Variants in CD200R1L observed in about 807,000 individuals in gnomAD.
The protein encoded by CD200R1L is cell surface glycoprotein CD200 receptor 2.
Under a neutral mutation model 24.8 loss-of-function variants are expected in CD200R1L, and 14 were observed. The ratio of observed to expected loss-of-function variants is 0.56; its 90% CI spans 0.37 to 0.88. CD200R1L has a LOEUF of 0.88. CD200R1L is among the 40% of genes least tolerant of loss of function. The pLI is 0.00. For missense variants in CD200R1L, 299 were observed against 297.8 expected, an observed-to-expected ratio of 1.00 and a Z score of -0.03; for synonymous variants, 111 against 109.2, an observed-to-expected ratio of 1.02 and a Z score of -0.11.
Position 112,827,578 on chromosome 3 carries a change from G to T in CD200R1L, c.156C>A (p.Gly52=), listed in dbSNP as rs760970025. The T allele has an allele frequency of 5.0e-6, 8 of 1,614,008 alleles. No homozygotes were observed. The highest frequency in any genetic ancestry group is 5.9e-6 in the Non-Finnish European group (7 of 1,179,956). The change falls in exon 5 of 8, where the codon GGC becomes GGA. Residue 52 remains glycine (G), a synonymous_variant. Coordinates refer to ENST00000488794, the MANE Select transcript of CD200R1L (RefSeq NM_001199215.3). ...TGTAGGCTTTTGTGCAGGAAGGCTG[G>T]CCTCTCAGGATTATTTCCCATGTTA... ...IIITWEIILR[G]QPSCTKAYKK...
intron 7 of CD200R1L, among the ~76,000 whole-genome samples, chr3:112,817,446 C>T (rs1390640477): frequency 1.3e-5 from 2 of 152,134 alleles, no homozygotes; most frequent in African/African-American, 4.8e-5. Context: ...GGAATGTGAG[C>T]AGAAGTGATT....
intron 2 of CD200R1L, among the ~76,000 whole-genome samples, chr3:112,844,349 C>G (rs1371818091): frequency 6.6e-6 from 1 of 152,194 alleles, no homozygotes. Context: ...CAACCATACT[C>G]TCACACCACA....
chr3:112,824,855 C>G (rs1006454129), intron 6 of CD200R1L, among the ~76,000 whole-genome samples: 2 of 152,136 alleles, frequency 1.3e-5, no homozygotes, highest in Non-Finnish European at 1.5e-5. Context: ...GGATCAATGT[C>G]AAACTAAGTT....
intron 2 of CD200R1L, among the ~76,000 whole-genome samples, chr3:112,844,235 A>G (rs1939145545): frequency 6.6e-6 from 1 of 152,204 alleles, no homozygotes; most frequent in Admixed American, 6.5e-5. Flanking sequence ...CAACAACCAC[A>G]GAATATCCAT....
chr3:112,844,554 G>C (rs1939156612), intron 2 of CD200R1L, among the ~76,000 whole-genome samples: 1 of 152,196 alleles, frequency 6.6e-6, no homozygotes, highest in Admixed American at 6.5e-5. Flanking sequence ...ACAGTATTAA[G>C]AGAAAAGTTT....
In CD200R1L at chr3:112,845,730, C is replaced by T. The variant is rs763870988; in HGVS notation, c.-138G>A. 2 of 1,612,216 alleles carry T rather than the reference C, an allele frequency of 1.2e-6. 1 individual carries two copies. ...AGTAATCTTGGAGCTGACATCTTCCCTAAAGTATGCTTTTGGAGTGGTTTT... is the reference window on the plus strand; with the variant it reads ...AGTAATCTTGGAGCTGACATCTTCCTTAAAGTATGCTTTTGGAGTGGTTTT... On this transcript the variant is annotated 5_prime_UTR_variant, in exon 2 of 8. Transcript: ENST00000488794.
chr3:112,829,650 G>A, intron 3 of CD200R1L: 1 of 591,900 alleles, frequency 1.7e-6, no homozygotes, highest in Non-Finnish European at 2.1e-6. Context: ...TTTGTATGAG[G>A]TAACCATGCC....
At chr3:112,824,379 G>A (rs1168464510) in intron 6 of CD200R1L, among the ~76,000 whole-genome samples, 2 of 152,180 alleles carry the variant, frequency 1.3e-5, no homozygotes, top group African/African-American at 4.8e-5. Flanking sequence ...TGTAAGTAGA[G>A]GTGCCCTTGA....
In CD200R1L at chr3:112,845,739, G is replaced by A. The variant is rs761752009; in HGVS notation, c.-147C>T. The A allele has an allele frequency of 1.6e-5, 25 of 1,609,286 alleles. No homozygotes were observed. The highest frequency in any genetic ancestry group is 1.7e-5 in the Non-Finnish European group (20 of 1,176,310). ...GGAGCTGACATCTTCCCTAAAGTAT[G>A]CTTTTGGAGTGGTTTTCTACTTAAA... On this transcript the variant is annotated 5_prime_UTR_variant, in exon 2 of 8. Coordinates refer to ENST00000488794, the MANE Select transcript of CD200R1L (RefSeq NM_001199215.3).
chr3:112,844,729 G>A (rs992053441), intron 2 of CD200R1L, among the ~76,000 whole-genome samples: 1 of 152,102 alleles, frequency 6.6e-6, no homozygotes, highest in Non-Finnish European at 1.5e-5. Context: ...TTCAAGACCA[G>A]CCTGGCCAGT....
At chr3:112,832,985 A>G (rs1180788739) in intron 3 of CD200R1L, among the ~76,000 whole-genome samples, 1 of 152,232 alleles carries the variant, frequency 6.6e-6, no homozygotes, top group Non-Finnish European at 1.5e-5. Flanking sequence ...TGAATACCTT[A>G]GTTAATCACA....
Position 112,815,902 on chromosome 3 carries a change from C to A in CD200R1L, c.*61G>T. The A allele has an allele frequency of 1.3e-6, 1 of 777,864 alleles. No homozygotes were observed. Among genetic ancestry groups the A allele is most frequent in the Non-Finnish European group, 2.4e-6 (1 of 416,608 alleles). 48.2% of individuals were successfully genotyped at this position (777,864 alleles called of 1,614,324 possible). ...AGTTCACTGCTGGACCATCACTCAT[C>A]TCACCAATGTTGCAGTCCAGAGACA... is the stretch of plus-strand genomic sequence containing the variant. On this transcript the variant is annotated 3_prime_UTR_variant, in exon 8 of 8. Coordinates refer to ENST00000488794, the MANE Select transcript of CD200R1L (RefSeq NM_001199215.3).
In CD200R1L at chr3:112,835,884, C is replaced by T. The variant is rs1386929812; in HGVS notation, c.-18+2058G>A. On this transcript the variant is annotated intron_variant, in intron 3 of 7. Coordinates refer to ENST00000488794, the MANE Select transcript of CD200R1L (RefSeq NM_001199215.3). ...GGCTCCTTCCCTGCCAACTTAGAAG[C>T]GGCAGGCCTCCCACTTGTTCCCAGC... Among the ~76,000 whole-genome samples the T allele has an allele frequency of 5.9e-5, 9 of 152,334 alleles. No individual in the cohort carries two copies. The South Asian group carries it at 1.4e-3, about 25-fold the overall frequency.
intron 3 of CD200R1L, among the ~76,000 whole-genome samples, chr3:112,833,333 G>C (rs1249054728): frequency 6.6e-6 from 1 of 152,200 alleles, no homozygotes; most frequent in African/African-American, 2.4e-5. Flanking sequence ...AAGATTCTGT[G>C]ATAAAGATGA....
At chr3:112,816,755 A>C (rs1366969663) in intron 7 of CD200R1L, among the ~76,000 whole-genome samples, 3 of 152,250 alleles carry the variant, frequency 2.0e-5, no homozygotes. Context: ...ATCAATTCCA[A>C]TTGTAGCTCC....
chr3:112,841,094 T>C (rs1939069356), intron 2 of CD200R1L, among the ~76,000 whole-genome samples: 1 of 152,076 alleles, frequency 6.6e-6, no homozygotes, highest in South Asian at 2.1e-4. Flanking sequence ...CCCCACCCAA[T>C]CTCATTGTAA....
chr3:112,827,199 G>A lies in CD200R1L; in HGVS notation c.410C>T (p.Ala137Val). ...CTTCCCTGTAACTGCCTTGCATACT[G>A]CAGTTATATTCCTGCTTTGAAATAG... ...VNLFQSRNIT[A>V]VCKAVTGKPA... The change falls in exon 6 of 8, where the codon GCA (alanine) becomes GTA (valine). Residue 137 changes from alanine to valine, a missense_variant. Ala to Val is a moderately conservative substitution (Grantham distance 64). Transcript: ENST00000488794. 18 of 1,613,524 alleles carry A rather than the reference G, an allele frequency of 1.1e-5. No homozygotes were observed. Among genetic ancestry groups the A allele is most frequent in the Non-Finnish European group, 1.5e-5 (18 of 1,179,930 alleles).
At position 112,845,759 on chromosome 3, in the gene CD200R1L, C is replaced by G. The variant is rs765603562; in HGVS notation, c.-167G>C. On this transcript the variant is annotated 5_prime_UTR_variant, in exon 2 of 8. Transcript: ENST00000488794. ...AGTATGCTTTTGGAGTGGTTTTCTA[C>G]TTAAACATAAATCCACTTTAAATCA... 8.3e-6 allele frequency: 13 copies of G among 1,571,218 alleles called. No homozygotes were observed. In the Admixed American group the frequency reaches 2.2e-4, roughly 27 times the overall value.
At chr3:112,829,202 C>T (rs1938738081) in intron 4 of CD200R1L, 117 bp downstream of exon 4, 1 of 744,076 alleles carries the variant, frequency 1.3e-6, no homozygotes, top group African/African-American at 1.7e-5. Flanking sequence ...GCACTCAGAT[C>T]AACATGTTCT....
Sources: gnomAD v4.1 joint callset for allele counts (sites outside exome capture counted in the v4.1 genomes callset) on GRCh38, gnomAD v4.1.1 for gene constraint, MANE v1.5 for transcripts, NCBI Gene and HGNC (gene_info 2026-07-23, HGNC 2026-07-21) for gene names.